The following SORCS2 variants were observed in gnomAD, a reference collection of about 807,000 sequenced individuals.
SORCS2 encodes the protein sortilin related VPS10 domain containing receptor 2, also known as VPS10 domain-containing receptor SorCS2.
In SORCS2, 100 loss-of-function variants were observed where a neutral mutation model predicts 141.6. That is an observed-to-expected ratio of 0.71 (90% CI 0.60 to 0.83). The LOEUF (loss-of-function observed/expected upper bound fraction) is 0.83. SORCS2 is among the 40% of genes least tolerant of loss of function. The probability of loss-of-function intolerance (pLI) is 0.00; values close to 1 mark genes in which losing one functional copy is unlikely to be tolerated. For missense variants in SORCS2, 1,646 were observed against 1,560.2 expected, an observed-to-expected ratio of 1.05 and a Z score of -0.93; for synonymous variants, 789 against 676.9, an observed-to-expected ratio of 1.17 and a Z score of -2.57.
chr4:7,493,424 T>A (rs1232506488), intron 2 of SORCS2, among the ~76,000 whole-genome samples: 1 of 152,180 alleles, frequency 6.6e-6, no homozygotes, highest in Non-Finnish European at 1.5e-5. Context: ...GAGGCCTGGA[T>A]CCTACCGGAT....
At chr4:7,578,415 C>T (rs1199740071) in intron 3 of SORCS2, among the ~76,000 whole-genome samples, 1 of 152,208 alleles carries the variant, frequency 6.6e-6, no homozygotes, top group Non-Finnish European at 1.5e-5. Flanking sequence ...TGAAGGGACT[C>T]TTGACCTAAA....
rs183175262 is a variant in SORCS2, at chr4:7,358,649, C to T, written c.481-37639C>T. 5.1e-4 allele frequency among the ~76,000 whole-genome samples: 77 copies of T among 152,254 alleles called. 1 individual carries two copies. The highest frequency in any genetic ancestry group is 3.9e-3 in the East Asian group (20 of 5,184). ...GTTTCTATTTGTTAAGTCACAGATG[C>T]GGATCTCAATCTGACCATCTGCTGA... On this transcript the variant is annotated intron_variant, in intron 1 of 26. Coordinates refer to ENST00000507866, the MANE Select transcript of SORCS2 (RefSeq NM_020777.3).
At chr4:7,724,690 GTGGTGT>G (rs1726996196) in intron 19 of SORCS2, among the ~76,000 whole-genome samples, 1 of 119,524 alleles carries the variant, frequency 8.4e-6, no homozygotes, top group African/African-American at 3.4e-5. Flanking sequence ...GGTGATGGTG[GTGGTGT>G]TGGTGATGGT....
chr4:7,377,712 G>T (rs1242726016), intron 1 of SORCS2, among the ~76,000 whole-genome samples: 1 of 152,236 alleles, frequency 6.6e-6, no homozygotes, highest in Non-Finnish European at 1.5e-5. Flanking sequence ...TGCCAGGCGT[G>T]TGATTTAGCT....
rs1717256524 is a variant in SORCS2, at chr4:7,596,023, C to A, written c.649-42305C>A. 2.6e-5 allele frequency among the ~76,000 whole-genome samples: 4 copies of A among 152,212 alleles called. No individual in the cohort carries two copies. The South Asian group carries it at 8.3e-4, about 32-fold the overall frequency. On this transcript the variant is annotated intron_variant, in intron 3 of 26. Coordinates refer to ENST00000507866, the MANE Select transcript of SORCS2 (RefSeq NM_020777.3). ...GGCAACCCGCGGTTTCTCATTGAGA[C>A]TGCATCCTCACAAACCATGGTTCTA...
chr4:7,484,428 G>A (rs541627135), intron 2 of SORCS2, among the ~76,000 whole-genome samples: 1 of 152,244 alleles, frequency 6.6e-6, no homozygotes, highest in South Asian at 2.1e-4. Flanking sequence ...CAGCCGGAGC[G>A]GCCTGCTGGG....
intron 2 of SORCS2, among the ~76,000 whole-genome samples, chr4:7,511,941 G>C (rs776725864): frequency 9.0e-4 from 137 of 152,206 alleles, no homozygotes; most frequent in Non-Finnish European, 1.7e-3. Flanking sequence ...TCCCTTTGCA[G>C]GTCCTGGAGG....
chr4:7,660,498 C>A (rs1722088510), intron 5 of SORCS2, among the ~76,000 whole-genome samples: 2 of 152,322 alleles, frequency 1.3e-5, no homozygotes, highest in South Asian at 4.1e-4. Context: ...AAGCTGGGAC[C>A]ACCCCCAAAG....
intron 1 of SORCS2, among the ~76,000 whole-genome samples, chr4:7,266,241 G>C (rs918247550): frequency 6.6e-6 from 1 of 152,216 alleles, no homozygotes; most frequent in African/African-American, 2.4e-5. Flanking sequence ...CCTGGCCTGG[G>C]AGGGCACAGC....
At position 7,646,319 on chromosome 4, in the gene SORCS2, G is replaced by A. The variant is rs538842190; in HGVS notation, c.814-7815G>A. Among the ~76,000 whole-genome samples the A allele has an allele frequency of 4.6e-5, 7 of 152,344 alleles. No homozygotes were observed. In the South Asian group the frequency reaches 8.3e-4, roughly 18 times the overall value. On this transcript the variant is annotated intron_variant, in intron 4 of 26. Coordinates refer to ENST00000507866, the MANE Select transcript of SORCS2 (RefSeq NM_020777.3). ...CTTCAGGGGTGGGGGTGGAAGGTACGCATCCGTATGGCTGGATTGTGTCCC... is the reference window on the plus strand; with the variant it reads ...CTTCAGGGGTGGGGGTGGAAGGTACACATCCGTATGGCTGGATTGTGTCCC...
intron 1 of SORCS2, among the ~76,000 whole-genome samples, chr4:7,195,194 G>A: frequency 7.7e-6 from 1 of 130,488 alleles, no homozygotes; most frequent in Non-Finnish European, 1.6e-5. Flanking sequence ...GTGTGTGTGT[G>A]TGTTGTGGGG....
At chr4:7,540,152 G>C (rs115192060) in intron 3 of SORCS2, among the ~76,000 whole-genome samples, 19 of 37,794 alleles carry the variant, frequency 5.0e-4, no homozygotes, top group Admixed American at 8.9e-4. Flanking sequence ...GCCCCTCCCC[G>C]CCCCTGCCTC....
intron 5 of SORCS2, among the ~76,000 whole-genome samples, chr4:7,660,549 G>C (rs929269168): frequency 1.3e-5 from 2 of 152,226 alleles, no homozygotes; most frequent in Non-Finnish European, 2.9e-5. Flanking sequence ...TAGACTCGTG[G>C]TATTAGGAGA....
chr4:7,398,226 C>A (rs190829827), intron 2 of SORCS2, among the ~76,000 whole-genome samples: 1 of 152,142 alleles, frequency 6.6e-6, no homozygotes, highest in Non-Finnish European at 1.5e-5. Flanking sequence ...CTTACAGGCT[C>A]CAGACAGGAT....
At chr4:7,635,172 C>T (rs1379518960) in intron 3 of SORCS2, among the ~76,000 whole-genome samples, 1 of 152,180 alleles carries the variant, frequency 6.6e-6, no homozygotes, top group Non-Finnish European at 1.5e-5. Flanking sequence ...GGGTGTGGTA[C>T]AGACAGGAAC....
chr4:7,233,392 A>T lies in SORCS2; in HGVS notation c.480+40266A>T, dbSNP rs1031155720. On this transcript the variant is annotated intron_variant, in intron 1 of 26. Transcript: ENST00000507866. The surrounding 1 kb of genome is among the most constrained non-coding windows in gnomAD (Gnocchi z 4.5). ...CTGCTCCAGGGCAGACGTAGCCCTC[A>T]TCACGTCCTCCACAGCCTCCACAGC... Among the ~76,000 whole-genome samples, 1 of 152,128 alleles carries T rather than the reference A, an allele frequency of 6.6e-6. No individual in the cohort carries two copies. The highest frequency in any genetic ancestry group is 1.5e-5 in the Non-Finnish European group (1 of 67,998).
At chr4:7,690,156 TGG>T (rs1724134335) in intron 11 of SORCS2, among the ~76,000 whole-genome samples, 1 of 148,216 alleles carries the variant, frequency 6.7e-6, no homozygotes, top group Non-Finnish European at 1.5e-5. Flanking sequence ...GATGGGTGGG[TGG>T]GTGGATGGAT....
chr4:7,282,830 C>T (rs556566893), intron 1 of SORCS2, among the ~76,000 whole-genome samples: 2 of 152,280 alleles, frequency 1.3e-5, no homozygotes, highest in South Asian at 4.2e-4. Context: ...GGACCCAGGG[C>T]TGTCATCAGC....
chr4:7,418,122 C>T (rs781244693), intron 2 of SORCS2, among the ~76,000 whole-genome samples: 37 of 152,154 alleles, frequency 2.4e-4, no homozygotes, highest in Non-Finnish European at 7.3e-5. Context: ...ACCTTCCCTT[C>T]CTCCTTCCCT....
Sources: allele counts gnomAD v4.1 joint callset (sites outside exome capture counted in the v4.1 genomes callset), GRCh38; gene constraint gnomAD v4.1.1; non-coding constraint Gnocchi (gnomAD v3.1); transcripts MANE v1.5; gene names NCBI Gene and HGNC (gene_info 2026-07-23, HGNC 2026-07-21).